Variants in VPS54 observed in about 807,000 individuals in gnomAD.
VPS54 encodes the protein VPS54 subunit of GARP complex.
Under a neutral mutation model 121.5 loss-of-function variants are expected in VPS54, and 45 were observed. The ratio of observed to expected loss-of-function variants is 0.37; its 90% confidence interval spans 0.29 to 0.47. The LOEUF is 0.47. Ranked by LOEUF, VPS54 falls within the 20% of genes least tolerant of loss-of-function variation. The probability of loss-of-function intolerance (pLI) is 0.99; values close to 1 mark genes in which losing one functional copy is unlikely to be tolerated. For synonymous variants in VPS54, 371 were observed against 385.8 expected, an observed-to-expected ratio of 0.96 and a Z score of 0.45; for missense variants, 1,090 against 1,131.4, an observed-to-expected ratio of 0.96 and a Z score of 0.52.
intron 10 of VPS54, 88 bp downstream of exon 10, chr2:63,944,512 C>T: frequency 7.6e-7 from 1 of 1,310,622 alleles, no homozygotes; most frequent in Non-Finnish European, 1.1e-6. Context: ...TAAATAATTC[C>T]TTAACGAAAT....
rs945098016 is a variant in VPS54, at chr2:63,942,594, T to C, written c.1302-33A>G. On this transcript the variant is annotated intron_variant, in intron 10 of 22. Coordinates refer to ENST00000272322, the MANE Select transcript of VPS54 (RefSeq NM_016516.3). ...AAAATAATTCAAACAAAAATAATGA[T>C]TGTCTCTGGGCCAATCAATATAACA... The C allele has an allele frequency of 5.3e-6, 8 of 1,515,312 alleles. No homozygotes were observed. In the Admixed American group the frequency reaches 1.2e-4, roughly 23 times the overall value. The allele number at this position is 1,515,312 out of a possible 1,614,324, so 93.9% of individuals were successfully genotyped here.
chr2:63,932,904 A>C lies in VPS54; in HGVS notation c.1739+769T>G, dbSNP rs1020512221. 9.2e-5 allele frequency among the ~76,000 whole-genome samples: 14 copies of C among 152,244 alleles called. No homozygotes were observed. In the East Asian group the frequency reaches 2.5e-3, roughly 27 times the overall value. On this transcript the variant is annotated intron_variant, in intron 12 of 22. Transcript: ENST00000272322. Reference sequence around the variant, plus strand: ...CAATGTTTCCTTGTATTTAATCAGTATACTAAGGTTATATAGGAGTGTTCT... The same window carrying C: ...CAATGTTTCCTTGTATTTAATCAGTCTACTAAGGTTATATAGGAGTGTTCT...
intron 1 of VPS54, among the ~76,000 whole-genome samples, chr2:63,996,638 A>C (rs545577868): frequency 1.8e-4 from 27 of 152,332 alleles, no homozygotes; most frequent in African/African-American, 6.5e-4. Context: ...TTCCCCAGTA[A>C]GGAATATTAA....
intron 7 of VPS54, among the ~76,000 whole-genome samples, chr2:63,951,155 A>T (rs1675220938): frequency 6.6e-6 from 1 of 151,992 alleles, no homozygotes; most frequent in South Asian, 2.1e-4. Flanking sequence ...GCAAAAAGAA[A>T]AGGTTTTTGT....
intron 1 of VPS54, among the ~76,000 whole-genome samples, chr2:63,996,540 A>G (rs1160528543): frequency 6.6e-6 from 1 of 152,236 alleles, no homozygotes. Context: ...GGAGATAACC[A>G]TTAGGTCTGA....
At chr2:63,947,641 C>A in intron 8 of VPS54, 151 bp from the exon 9 acceptor site, 1 of 648,262 alleles carries the variant, frequency 1.5e-6, no homozygotes. Flanking sequence ...CCTCCCACAG[C>A]AATCTTATCA....
intron 4 of VPS54, among the ~76,000 whole-genome samples, chr2:63,971,814 G>A (rs988798781): frequency 2.0e-5 from 3 of 152,008 alleles, no homozygotes; most frequent in Admixed American, 6.6e-5. Context: ...GTATCACTAC[G>A]TTACTGTTCT....
intron 20 of VPS54, among the ~76,000 whole-genome samples, chr2:63,901,659 T>C (rs1049895171): frequency 2.0e-5 from 3 of 152,016 alleles, no homozygotes; most frequent in Non-Finnish European, 4.4e-5. Context: ...AAGGCCTAAG[T>C]CACTGAGAAG....
At chr2:63,965,139 C>T (rs904514269) in intron 6 of VPS54, among the ~76,000 whole-genome samples, 5 of 152,056 alleles carry the variant, frequency 3.3e-5, no homozygotes, top group African/African-American at 9.7e-5. Flanking sequence ...AACAGTACCT[C>T]GGAAAATATT....
chr2:63,922,013 C>G (rs1302805942), intron 12 of VPS54, among the ~76,000 whole-genome samples: 3 of 152,158 alleles, frequency 2.0e-5, no homozygotes, highest in African/African-American at 7.2e-5. Flanking sequence ...CAAACAGGCT[C>G]TCTTTTTACT....
chr2:64,010,754 T>A (rs1016177138), intron 1 of VPS54, among the ~76,000 whole-genome samples: 1 of 152,186 alleles, frequency 6.6e-6, no homozygotes, highest in Non-Finnish European at 1.5e-5. Flanking sequence ...ATATTATTGC[T>A]CACAAAAATC....
At chr2:63,899,397 G>T in intron 21 of VPS54, 77 bp downstream of exon 21, 1 of 1,237,680 alleles carries the variant, frequency 8.1e-7, no homozygotes, top group Non-Finnish European at 1.1e-6. Context: ...ACTGCCAAAA[G>T]CATGTAAAAA....
At chr2:64,016,384 T>G (rs1005537054) in intron 1 of VPS54, among the ~76,000 whole-genome samples, 3 of 152,124 alleles carry the variant, frequency 2.0e-5, no homozygotes, top group Non-Finnish European at 2.9e-5. Flanking sequence ...AAGGAAAAGC[T>G]TTTCAAGAAG....
At chr2:63,922,422 T>C (rs1410652366) in intron 12 of VPS54, among the ~76,000 whole-genome samples, 2 of 152,214 alleles carry the variant, frequency 1.3e-5, no homozygotes, top group Non-Finnish European at 2.9e-5. Flanking sequence ...GGTTATGGTA[T>C]TAAAGAAGGT....
chr2:63,982,370 T>C (rs879292457), intron 2 of VPS54, among the ~76,000 whole-genome samples: 3 of 152,208 alleles, frequency 2.0e-5, no homozygotes, highest in Non-Finnish European at 4.4e-5. Flanking sequence ...GCATTAACCA[T>C]ACAAGAAGGA....
chr2:63,979,595 C>T (rs918190691), intron 3 of VPS54, among the ~76,000 whole-genome samples: 9 of 152,158 alleles, frequency 5.9e-5, no homozygotes, highest in African/African-American at 2.2e-4. Context: ...AATCATTCTT[C>T]TTTCAATAAT....
intron 3 of VPS54, 58 bp from the exon 4 acceptor site, chr2:63,972,302 T>G: frequency 7.5e-7 from 1 of 1,331,422 alleles, no homozygotes; most frequent in Non-Finnish European, 1.0e-6. Context: ...ATTCAAAGCA[T>G]GAAAGTGTTT....
At chr2:63,900,222 A>C (rs1435960057) in intron 20 of VPS54, among the ~76,000 whole-genome samples, 2 of 109,528 alleles carry the variant, frequency 1.8e-5, no homozygotes, top group Non-Finnish European at 4.6e-5. Context: ...CTCTGTCTCA[A>C]AAAAAAAAAA....
At chr2:63,954,838 A>G (rs536405120) in intron 7 of VPS54, among the ~76,000 whole-genome samples, 1 of 152,204 alleles carries the variant, frequency 6.6e-6, no homozygotes, top group East Asian at 1.9e-4. Flanking sequence ...TATGGGAAGC[A>G]CTATAAGACA....
Sources: gnomAD v4.1 joint callset for allele counts (sites outside exome capture counted in the v4.1 genomes callset) on GRCh38, gnomAD v4.1.1 for gene constraint, MANE v1.5 for transcripts, NCBI Gene and HGNC (gene_info 2026-07-23, HGNC 2026-07-21) for gene names.